The following SMARCA2 variants were observed in gnomAD, a reference collection of about 807,000 sequenced individuals.
SMARCA2 encodes the protein SWI/SNF related BAF chromatin remodeling complex subunit ATPase 2.
SMARCA2 carries 61 observed loss-of-function variants against 199.8 expected under a neutral mutation model. The observed-to-expected ratio is 0.31, with a 90% CI of 0.25 to 0.38. The LOEUF (loss-of-function observed/expected upper bound fraction) is 0.38. Among genes scored for constraint, SMARCA2 ranks in the 10% least tolerant of loss-of-function variants. SMARCA2 has a pLI of 1.00. For synonymous variants in SMARCA2, 935 were observed against 732.0 expected, an observed-to-expected ratio of 1.28 and a Z score of -4.48; for missense variants, 1,344 against 2,012.2, an observed-to-expected ratio of 0.67 and a Z score of 6.35.
intron 27 of SMARCA2, among the ~76,000 whole-genome samples, chr9:2,142,009 G>C (rs1474032426): frequency 6.6e-6 from 1 of 152,146 alleles, no homozygotes; most frequent in East Asian, 1.9e-4. Context: ...TAACCTGGCT[G>C]CTCCTACAGT....
At position 2,123,733 on chromosome 9, in the gene SMARCA2, C is replaced by T; in HGVS notation, c.3777C>T (p.Asp1259=). 6.2e-7 allele frequency: 1 copy of T among 1,614,002 alleles called. No homozygotes were observed. Among genetic ancestry groups the T allele is most frequent in the South Asian group, 1.1e-5 (1 of 91,046 alleles). ...AATGTCTCCAGCGGATGGACATGGA[C>T]CGGCGGAGGGAAGATGCCCGGAACC... The part of the protein sequence containing the change: ...EFDLFMRMDM[D]RRREDARNPK... Residue 1259 remains aspartate, a synonymous_variant, in exon 27 of 34, where the codon GAC becomes GAT. Transcript: ENST00000349721. The surrounding 1 kb of genome is among the most constrained non-coding windows in gnomAD (Gnocchi z 4.1).
chr9:2,030,858 G>T (rs917429865), intron 2 of SMARCA2, among the ~76,000 whole-genome samples: 4 of 152,130 alleles, frequency 2.6e-5, no homozygotes, highest in Admixed American at 2.6e-4. Flanking sequence ...TTTTAGGGTA[G>T]GGCATCAGAG....
intron 27 of SMARCA2, among the ~76,000 whole-genome samples, chr9:2,151,339 T>C (rs536088338): frequency 6.6e-6 from 1 of 151,400 alleles, no homozygotes; most frequent in Non-Finnish European, 1.5e-5. Flanking sequence ...AAACAGGTAG[T>C]AGTAATGAAG....
chr9:2,165,410 AAGG>A (rs1278740456), intron 28 of SMARCA2, among the ~76,000 whole-genome samples: 1 of 152,158 alleles, frequency 6.6e-6, no homozygotes, highest in Non-Finnish European at 1.5e-5. Flanking sequence ...GTTTTTTAAA[AAGG>A]AGGGTGCTTC....
rs7856480 is a variant in SMARCA2, at chr9:2,080,836, C to T, written c.2185-996C>T. Among the ~76,000 whole-genome samples the T allele has an allele frequency of 6.4e-3, 981 of 152,310 alleles. 17 individuals are homozygous for T. The highest frequency in any genetic ancestry group is 0.023 in the African/African-American group (936 of 41,570). ...ATTGGCACTGTCAACCACTTCTTGG[C>T]ATATGTGTATATGTGCCTCATTCAT... On this transcript the variant is annotated intron_variant, in intron 14 of 33. Coordinates refer to ENST00000349721, the MANE Select transcript of SMARCA2 (RefSeq NM_003070.5).
chr9:2,124,766 C>G (rs1194984684), intron 27 of SMARCA2, among the ~76,000 whole-genome samples: 1 of 152,148 alleles, frequency 6.6e-6, no homozygotes, highest in Non-Finnish European at 1.5e-5. Flanking sequence ...TATCAAAATG[C>G]TCTTAGGAGT....
chr9:2,052,535 A>G (rs1186769631), intron 5 of SMARCA2, among the ~76,000 whole-genome samples: 1 of 152,274 alleles, frequency 6.6e-6, no homozygotes, highest in Non-Finnish European at 1.5e-5. Context: ...TTAACACATT[A>G]TGATGACAAA....
chr9:2,077,184 T>G (rs1245508825), intron 13 of SMARCA2, among the ~76,000 whole-genome samples: 1 of 152,100 alleles, frequency 6.6e-6, no homozygotes, highest in Non-Finnish European at 1.5e-5. Flanking sequence ...TAATGTTGGG[T>G]TGCCCTCTCC....
At chr9:2,182,064 G>T (rs1827071850) in intron 30 of SMARCA2, 77 bp from the exon 31 acceptor site, 1 of 951,934 alleles carries the variant, frequency 1.1e-6, no homozygotes, top group South Asian at 1.3e-5. Flanking sequence ...GGAAAATCAG[G>T]CTTTGTTAAC....
rs1299280809 is a variant in SMARCA2 at position 2,039,232 on chromosome 9, G to A, written c.356-234G>A. 6.8e-6 allele frequency among the ~76,000 whole-genome samples: 1 copy of A among 147,852 alleles called. No homozygotes were observed. Among genetic ancestry groups the A allele is most frequent in the Non-Finnish European group, 1.5e-5 (1 of 67,138 alleles). On this transcript the variant is annotated intron_variant, in intron 3 of 33. Transcript: ENST00000349721. The surrounding 1 kb of genome is among the most constrained non-coding windows in gnomAD (Gnocchi z 4.8). ...AAATACATTTAAATTAACTTTACCT[G>A]CTTTTTTTTTTTTTAACACTTTAAA...
rs1377110943 is a variant in SMARCA2 at position 2,170,700 on chromosome 9, C to G, written c.4253+228C>G. ...TGGCTGTGCCAATTCTATACATGCACTCCTTACAAGGGTATTGGGAGCTCC... is the reference window on the plus strand; with the variant it reads ...TGGCTGTGCCAATTCTATACATGCAGTCCTTACAAGGGTATTGGGAGCTCC... On this transcript the variant is annotated intron_variant, in intron 29 of 33. Transcript: ENST00000349721. The surrounding 1 kb of genome is among the most constrained non-coding windows in gnomAD (Gnocchi z 4.7). Among the ~76,000 whole-genome samples, 2 of 152,164 alleles carry G rather than the reference C, an allele frequency of 1.3e-5. No homozygotes were observed. Among genetic ancestry groups the G allele is most frequent in the Non-Finnish European group, 2.9e-5 (2 of 68,014 alleles).
At chr9:2,124,409 A>G (rs1196858155) in intron 27 of SMARCA2, among the ~76,000 whole-genome samples, 1 of 152,194 alleles carries the variant, frequency 6.6e-6, no homozygotes, top group Admixed American at 6.5e-5. Context: ...GAGTTTTCTA[A>G]CTGTGTGGTT....
chr9:2,101,064 C>T (rs1255100637), intron 21 of SMARCA2, among the ~76,000 whole-genome samples: 1 of 152,130 alleles, frequency 6.6e-6, no homozygotes, highest in Admixed American at 6.5e-5. Context: ...CCTCATGATT[C>T]AGTTGTCGCC....
At chr9:2,053,438 G>T (rs1321607956) in intron 5 of SMARCA2, among the ~76,000 whole-genome samples, 3 of 152,142 alleles carry the variant, frequency 2.0e-5, no homozygotes, top group Non-Finnish European at 4.4e-5. Context: ...TTTGGTATCA[G>T]GCAAATTGAG....
At position 2,169,858 on chromosome 9, in the gene SMARCA2, A is replaced by G. The variant is rs1215967783; in HGVS notation, c.4200-561A>G. ...TTATTTTCATTTCCCACTAAAGATC[A>G]TGAATTCAGTGATCTCTCGAAAAGG... On this transcript the variant is annotated intron_variant, in intron 28 of 33. Transcript: ENST00000349721. This position sits in a 1 kb window ranked among gnomAD's most constrained non-coding sequence, Gnocchi z 6.5. Among the ~76,000 whole-genome samples the G allele has an allele frequency of 6.6e-6, 1 of 152,214 alleles. No homozygotes were observed. The highest frequency in any genetic ancestry group is 1.5e-5 in the Non-Finnish European group (1 of 68,030).
At chr9:2,125,515 A>T (rs955611920) in intron 27 of SMARCA2, among the ~76,000 whole-genome samples, 7 of 142,874 alleles carry the variant, frequency 4.9e-5, no homozygotes, top group African/African-American at 1.9e-4. Flanking sequence ...TTTGAGACAG[A>T]GTCTCTCTCT....
chr9:2,149,138 T>C (rs1824914754), intron 27 of SMARCA2, among the ~76,000 whole-genome samples: 3 of 151,226 alleles, frequency 2.0e-5, no homozygotes, highest in Non-Finnish European at 4.4e-5. Flanking sequence ...CAGTTCCACA[T>C]GGCTGGGGAG....
At chr9:2,121,403 T>A (rs1475850337) in intron 26 of SMARCA2, among the ~76,000 whole-genome samples, 1 of 152,210 alleles carries the variant, frequency 6.6e-6, no homozygotes, top group African/African-American at 2.4e-5. Flanking sequence ...ATTTTGAGGA[T>A]TAGACAGATT....
At chr9:2,049,551 A>C (rs1399912493) in intron 5 of SMARCA2, among the ~76,000 whole-genome samples, 1 of 152,210 alleles carries the variant, frequency 6.6e-6, no homozygotes, top group Non-Finnish European at 1.5e-5. Context: ...GTGGCTTTTG[A>C]AACGACTGAT....
Sources: allele counts gnomAD v4.1 joint callset (sites outside exome capture counted in the v4.1 genomes callset), GRCh38; gene constraint gnomAD v4.1.1; non-coding constraint Gnocchi (gnomAD v3.1); transcripts MANE v1.5; gene names NCBI Gene and HGNC (gene_info 2026-07-23, HGNC 2026-07-21).